The following MGAT4C variants were observed in gnomAD, a reference collection of about 807,000 sequenced individuals.
The protein encoded by MGAT4C is MGAT4 family member C, also known as alpha-1,3-mannosyl-glycoprotein 4-beta-N-acetylglucosaminyltransferase C.
Under a neutral mutation model 40.1 loss-of-function variants are expected in MGAT4C, and 19 were observed. The observed-to-expected ratio is 0.47, with a 90% CI of 0.33 to 0.70. The LOEUF (loss-of-function observed/expected upper bound fraction) is 0.70, where lower values mean the gene tolerates loss of function less well. MGAT4C is among the 30% of genes least tolerant of loss of function. The pLI, the probability that MGAT4C is intolerant of heterozygous loss-of-function variation, is 0.02. For missense variants in MGAT4C, 491 were observed against 563.2 expected, an observed-to-expected ratio of 0.87 and a Z score of 1.30; for synonymous variants, 181 against 187.1, an observed-to-expected ratio of 0.97 and a Z score of 0.27.
chr12:86,356,266 C>T (rs1955307628), intron 3 of MGAT4C, among the ~76,000 whole-genome samples: 1 of 152,174 alleles, frequency 6.6e-6, no homozygotes, highest in Middle Eastern at 3.4e-3. Flanking sequence ...AGAGAGGGAA[C>T]AAACAAAAAT....
intron 3 of MGAT4C, among the ~76,000 whole-genome samples, chr12:86,422,419 G>A (rs1956845083): frequency 6.6e-6 from 1 of 152,106 alleles, no homozygotes; most frequent in Non-Finnish European, 1.5e-5. Context: ...AAGAACATCA[G>A]TATCACTGAA....
chr12:86,596,881 T>C (rs1185350360), intron 2 of MGAT4C, among the ~76,000 whole-genome samples: 1 of 152,134 alleles, frequency 6.6e-6, no homozygotes, highest in Non-Finnish European at 1.5e-5. Flanking sequence ...CCTTGTGGCT[T>C]AGAGGCCCCA....
intron 1 of MGAT4C, among the ~76,000 whole-genome samples, chr12:86,836,648 G>A (rs1184431843): frequency 1.3e-5 from 2 of 152,044 alleles, no homozygotes; most frequent in Admixed American, 6.6e-5. Flanking sequence ...GGTAGAGAAT[G>A]TTAATAAGAG....
Position 86,482,387 on chromosome 12 carries a change from T to C in MGAT4C, c.-228-47122A>G, listed in dbSNP as rs142485712. On this transcript the variant is annotated intron_variant, in intron 2 of 7. Coordinates refer to the MGAT4C transcript ENST00000548651. ...GTCTTCAATTCTCAGCAGATTGACA[T>C]AGTTATAATGTTTTCTATAATTATC... Among the ~76,000 whole-genome samples the C allele has an allele frequency of 1.5e-3, 231 of 152,240 alleles. 2 individuals carry two copies. The highest frequency in any genetic ancestry group is 4.9e-3 in the African/African-American group (204 of 41,574).
At chr12:86,075,133 T>C (rs1396349640) in intron 1 of MGAT4C, among the ~76,000 whole-genome samples, 1 of 152,190 alleles carries the variant, frequency 6.6e-6, no homozygotes, top group Non-Finnish European at 1.5e-5. Flanking sequence ...TATGAGCCTG[T>C]AATATCAAAA....
chr12:86,004,640 G>C (rs1298115089), intron 2 of MGAT4C, among the ~76,000 whole-genome samples: 1 of 152,082 alleles, frequency 6.6e-6, no homozygotes, highest in Admixed American at 6.6e-5. Flanking sequence ...AGGAGAACAA[G>C]AATTATTTGT....
intron 3 of MGAT4C, among the ~76,000 whole-genome samples, chr12:86,401,907 A>G (rs1956371196): frequency 6.6e-6 from 1 of 152,204 alleles, no homozygotes; most frequent in Admixed American, 6.5e-5. Context: ...AAGAGTTCTA[A>G]GAAACAATTT....
chr12:86,071,207 A>T (rs1868393348), intron 1 of MGAT4C, among the ~76,000 whole-genome samples: 1 of 152,054 alleles, frequency 6.6e-6, no homozygotes, highest in Non-Finnish European at 1.5e-5. Flanking sequence ...GTACCAAGGT[A>T]TCATGGGAAA....
At chr12:86,062,222 C>A (rs758564135) in intron 1 of MGAT4C, among the ~76,000 whole-genome samples, 15 of 152,172 alleles carry the variant, frequency 9.9e-5, no homozygotes, top group Admixed American at 4.6e-4. Flanking sequence ...GCTGGTGATA[C>A]CCCGGCAAAC....
chr12:86,626,662 G>C (rs1049376412), intron 2 of MGAT4C, among the ~76,000 whole-genome samples: 2 of 152,072 alleles, frequency 1.3e-5, no homozygotes, highest in African/African-American at 2.4e-5. Context: ...TTAAGATTAT[G>C]GATACTAAAT....
At chr12:86,642,114 T>C (rs538035321) in intron 2 of MGAT4C, among the ~76,000 whole-genome samples, 5 of 151,936 alleles carry the variant, frequency 3.3e-5, no homozygotes, top group African/African-American at 9.6e-5. Context: ...TTCCTACAAA[T>C]TGGAGGAGTA....
At chr12:86,043,351 T>A (rs10863152) in intron 2 of MGAT4C, among the ~76,000 whole-genome samples, 6,029 of 152,246 alleles carry the variant, frequency 0.04, 148 homozygotes, top group Middle Eastern at 0.068. Flanking sequence ...GCCTTCAGTC[T>A]GTGACAGAAG....
At chr12:86,476,655 T>C (rs1298945304) in intron 2 of MGAT4C, among the ~76,000 whole-genome samples, 1 of 151,954 alleles carries the variant, frequency 6.6e-6, no homozygotes, top group Non-Finnish European at 1.5e-5. Flanking sequence ...CTATTCACAA[T>C]AATAAAGACA....
chr12:86,750,071 G>A (rs1472075339), intron 1 of MGAT4C, among the ~76,000 whole-genome samples: 1 of 151,754 alleles, frequency 6.6e-6, no homozygotes, highest in Non-Finnish European at 1.5e-5. Context: ...GGTATATCTT[G>A]TCAAAATTTA....
chr12:86,056,606 G>A (rs1440228502), intron 1 of MGAT4C, among the ~76,000 whole-genome samples: 2 of 152,078 alleles, frequency 1.3e-5, no homozygotes, highest in Non-Finnish European at 2.9e-5. Flanking sequence ...GTGTATATGT[G>A]CCACATTTTC....
chr12:86,811,796 T>G (rs947253649), intron 1 of MGAT4C, among the ~76,000 whole-genome samples: 1 of 151,008 alleles, frequency 6.6e-6, no homozygotes, highest in African/African-American at 2.4e-5. Flanking sequence ...CTCTATCATT[T>G]TCCAATTTTC....
rs367674016 is a variant in MGAT4C, at chr12:86,004,430, C to T, written c.-6-14878G>A. ...TTGCATCATTTTTATGTTGAACTCT[C>T]ATTATATGTTAATTTCCATTTTAAA... is the stretch of plus-strand genomic sequence containing the variant. On this transcript the variant is annotated intron_variant, in intron 2 of 4. Coordinates refer to ENST00000611864, the MANE Select transcript of MGAT4C (RefSeq NM_001351288.2). Among the ~76,000 whole-genome samples the T allele has an allele frequency of 8.5e-5, 13 of 152,254 alleles. No individual in the cohort carries two copies. The East Asian group carries it at 1.7e-3, about 20-fold the overall frequency.
chr12:86,775,439 CTTAT>C (rs1020251948), intron 1 of MGAT4C, among the ~76,000 whole-genome samples: 6 of 150,334 alleles, frequency 4.0e-5, no homozygotes, highest in Non-Finnish European at 7.4e-5. Context: ...TACATATATA[CTTAT>C]TTAATTATTT....
chr12:86,419,993 T>A (rs1956789733), intron 3 of MGAT4C, among the ~76,000 whole-genome samples: 1 of 135,384 alleles, frequency 7.4e-6, no homozygotes, highest in Non-Finnish European at 1.6e-5. Context: ...AGTTTAGGAA[T>A]TGCAATAAAG....
Sources: allele counts gnomAD v4.1 joint callset (sites outside exome capture counted in the v4.1 genomes callset), GRCh38; gene constraint gnomAD v4.1.1; transcripts MANE v1.5; gene names NCBI Gene and HGNC (gene_info 2026-07-23, HGNC 2026-07-21).